The following BRINP3 variants were observed in gnomAD, a reference collection of about 807,000 sequenced individuals.
BRINP3 encodes the protein BMP/retinoic acid inducible neural specific 3, also known as BMP/retinoic acid-inducible neural-specific protein 3.
In BRINP3, 19 loss-of-function variants were observed where a neutral mutation model predicts 71.0. That is an observed-to-expected ratio of 0.27 (90% CI 0.19 to 0.39). The LOEUF (loss-of-function observed/expected upper bound fraction) is 0.39. Among genes scored for constraint, BRINP3 ranks in the 10% least tolerant of loss-of-function variants. BRINP3 has a pLI of 1.00. For synonymous variants in BRINP3, 380 were observed against 337.7 expected, an observed-to-expected ratio of 1.13 and a Z score of -1.37; for missense variants, 959 against 940.8, an observed-to-expected ratio of 1.02 and a Z score of -0.25.
chr1:190,398,220 AGTT>A (rs1671703567), intron 2 of BRINP3, among the ~76,000 whole-genome samples: 1 of 151,922 alleles, frequency 6.6e-6, no homozygotes, highest in Non-Finnish European at 1.5e-5. Flanking sequence ...AGTAAAAAGG[AGTT>A]GTACAATTTG....
intron 2 of BRINP3, among the ~76,000 whole-genome samples, chr1:190,417,634 T>G (rs924290772): frequency 2.0e-5 from 3 of 152,158 alleles, no homozygotes; most frequent in Non-Finnish European, 4.4e-5. Flanking sequence ...ATGTTTTTAA[T>G]GCTAAATAAT....
rs562278286 is a variant in BRINP3, at chr1:190,411,722, T to C, written c.236+42933A>G. ...TGTAAGAATTTTAAAAAGTTATGTG[T>C]TTTACAAGGTGGAATAAAAAAGGTA... On this transcript the variant is annotated intron_variant, in intron 2 of 7. Transcript: ENST00000367462. 5.3e-5 allele frequency among the ~76,000 whole-genome samples: 8 copies of C among 152,282 alleles called. 1 individual carries two copies. In the South Asian group the frequency reaches 1.7e-3, roughly 32 times the overall value.
At chr1:190,321,179 T>A (rs892257966) in intron 2 of BRINP3, among the ~76,000 whole-genome samples, 5 of 152,048 alleles carry the variant, frequency 3.3e-5, no homozygotes, top group African/African-American at 1.2e-4. Flanking sequence ...AGAATAGAGT[T>A]GAGTCAGCAG....
chr1:190,402,202 C>G (rs919017580), intron 2 of BRINP3, among the ~76,000 whole-genome samples: 2 of 151,944 alleles, frequency 1.3e-5, no homozygotes, highest in African/African-American at 4.8e-5. Context: ...AATTTGCCTG[C>G]TATTTTTTCC....
intron 2 of BRINP3, among the ~76,000 whole-genome samples, chr1:190,336,836 C>CT (rs1558193030): frequency 7.9e-6 from 1 of 126,490 alleles, no homozygotes; most frequent in Non-Finnish European, 1.7e-5. Flanking sequence ...CCCTCCCTCC[C>CT]TCCTTCCTTC....
intron 4 of BRINP3, among the ~76,000 whole-genome samples, chr1:190,250,293 T>C (rs989890887): frequency 7.9e-5 from 12 of 152,130 alleles, no homozygotes; most frequent in Non-Finnish European, 1.2e-4. Context: ...TTCTTAAACC[T>C]AGCTAAGTTT....
Position 190,155,767 on chromosome 1 carries a change from C to T in BRINP3, c.1184+4901G>A, listed in dbSNP as rs138485081. ...GATCTGATGTTTTAAAAGTATAGCA[C>T]TTCCCCCCTAGCTTCCTTTCTCTCT... On this transcript the variant is annotated intron_variant, in intron 7 of 7. Coordinates refer to ENST00000367462, the MANE Select transcript of BRINP3 (RefSeq NM_199051.3). 7.4e-3 allele frequency among the ~76,000 whole-genome samples: 1,118 copies of T among 152,092 alleles called. 8 individuals carry two copies. The highest frequency in any genetic ancestry group is 0.01 in the Non-Finnish European group (692 of 67,974).
chr1:190,098,361 T>A lies in BRINP3; in HGVS notation c.1958A>T (p.Asp653Val), dbSNP rs770155496. ...SIYYEPLEFI[D>V]PSRNLGYMKI... ...CATATAGCCCAGGTTCCGGGAAGGGTCAATAAACTCCAGAGGTTCATAGTA... is the reference window on the plus strand; with the variant it reads ...CATATAGCCCAGGTTCCGGGAAGGGACAATAAACTCCAGAGGTTCATAGTA... The change falls in exon 8 of 8, where the codon GAC becomes GTC. Residue 653 changes from aspartate (D) to valine (V), a missense_variant. Transcript: ENST00000367462. 16 of 1,614,038 alleles carry A rather than the reference T, an allele frequency of 9.9e-6. No individual in the cohort carries two copies. Among genetic ancestry groups the A allele is most frequent in the Middle Eastern group, 3.3e-4 (2 of 6,062 alleles).
At chr1:190,191,637 T>A (rs559531809) in intron 6 of BRINP3, among the ~76,000 whole-genome samples, 39 of 152,286 alleles carry the variant, frequency 2.6e-4, no homozygotes, top group Admixed American at 2.6e-4. Flanking sequence ...TGCCACATTT[T>A]TTTTTATCCA....
chr1:190,342,402 A>G (rs1266620275), intron 2 of BRINP3: 1 of 148,994 alleles, frequency 6.7e-6, no homozygotes, highest in African/African-American at 2.5e-5. Flanking sequence ...ATGATGGGTT[A>G]TAAAGATTCT....
At chr1:190,259,414 G>A (rs1337360994) in intron 4 of BRINP3, among the ~76,000 whole-genome samples, 1 of 151,120 alleles carries the variant, frequency 6.6e-6, no homozygotes, top group African/African-American at 2.4e-5. Context: ...GACATAAAAT[G>A]CATTTGACAA....
At chr1:190,164,451 T>C (rs999432322) in intron 6 of BRINP3, among the ~76,000 whole-genome samples, 1 of 152,154 alleles carries the variant, frequency 6.6e-6, no homozygotes, top group African/African-American at 2.4e-5. Context: ...TGCTTGCTTT[T>C]ATGATTGTTA....
At chr1:190,421,655 A>T (rs950088094) in intron 2 of BRINP3, among the ~76,000 whole-genome samples, 7 of 151,712 alleles carry the variant, frequency 4.6e-5, no homozygotes, top group Non-Finnish European at 1.0e-4. Flanking sequence ...AAATATAGAC[A>T]TGTAGTTGCT....
intron 7 of BRINP3, among the ~76,000 whole-genome samples, chr1:190,143,760 C>T (rs1269459101): frequency 6.6e-6 from 1 of 152,134 alleles, no homozygotes; most frequent in African/African-American, 2.4e-5. Flanking sequence ...TATGCCATGA[C>T]TATTTTAAGT....
chr1:190,269,511 A>C (rs1209874755), intron 3 of BRINP3, among the ~76,000 whole-genome samples: 1 of 152,106 alleles, frequency 6.6e-6, no homozygotes, highest in East Asian at 1.9e-4. Context: ...TAACGGACAA[A>C]TGGTTAATTC....
chr1:190,419,623 C>G (rs1009103220), intron 2 of BRINP3, among the ~76,000 whole-genome samples: 6 of 151,580 alleles, frequency 4.0e-5, no homozygotes, highest in African/African-American at 1.5e-4. Context: ...CCTCCTTCAT[C>G]CAGTTTCTCA....
chr1:190,221,322 T>C (rs921732827), intron 6 of BRINP3, among the ~76,000 whole-genome samples: 1 of 152,190 alleles, frequency 6.6e-6, no homozygotes, highest in African/African-American at 2.4e-5. Context: ...GTCTTTGTTG[T>C]TTCTGTTCTT....
chr1:190,287,547 T>C (rs1440254568), intron 2 of BRINP3, among the ~76,000 whole-genome samples: 1 of 152,128 alleles, frequency 6.6e-6, no homozygotes, highest in Non-Finnish European at 1.5e-5. Flanking sequence ...ATACTGGGGA[T>C]AAAAGTCCAA....
chr1:190,113,142 T>C (rs1254034192), intron 7 of BRINP3, among the ~76,000 whole-genome samples: 1 of 152,080 alleles, frequency 6.6e-6, no homozygotes, highest in African/African-American at 2.4e-5. Flanking sequence ...TATTTTAAGA[T>C]AATAAAAAAG....
Sources: allele counts gnomAD v4.1 joint callset (sites outside exome capture counted in the v4.1 genomes callset), GRCh38; gene constraint gnomAD v4.1.1; transcripts MANE v1.5; gene names NCBI Gene and HGNC (gene_info 2026-07-23, HGNC 2026-07-21).